STAT5B: variants seen among roughly 807,000 people sequenced by gnomAD.
The protein encoded by STAT5B is signal transducer and activator of transcription 5B, also known as transcription factor STAT5B.
A neutral mutation model predicts 107.8 loss-of-function variants in STAT5B; 21 were observed. The ratio of observed to expected loss-of-function variants is 0.19; its 90% confidence interval spans 0.14 to 0.28. The LOEUF (loss-of-function observed/expected upper bound fraction) is 0.28, where lower values mean the gene tolerates loss of function less well. Ranked by LOEUF, STAT5B falls within the 10% of genes least tolerant of loss-of-function variation. The pLI is 1.00. For missense variants in STAT5B, 565 were observed against 1,008.2 expected (o/e 0.56, Z 5.95); for synonymous variants, 325 against 401.7 (o/e 0.81, Z 2.28).
the STAT5B span, chr17:42,288,194 C>T: frequency 6.8e-4 from 104 of 152,388 alleles, no homozygotes; most frequent in African/African-American, 2.3e-3. This position sits in a 1 kb window ranked among gnomAD's most constrained non-coding sequence, Gnocchi z 4.8. Context: ...CAACGCCCGA[C>T]AACCACATTC....
At chr17:42,229,582 TAAAG>T (rs2144289352) in intron 2 of STAT5B, among the ~76,000 whole-genome samples, 1 of 151,522 alleles carries the variant, frequency 6.6e-6, no homozygotes, top group South Asian at 2.1e-4. Context: ...CATAAAGAAC[TAAAG>T]ATTTGGCTGG....
chr17:42,263,073 G>C (rs1383852066), intron 1 of STAT5B, among the ~76,000 whole-genome samples: 1 of 131,596 alleles, frequency 7.6e-6, no homozygotes, highest in African/African-American at 2.8e-5. Context: ...TCTGTCCATT[G>C]CCCGGGCTTG....
chr17:42,247,049 T>C (rs2080457998), intron 1 of STAT5B, among the ~76,000 whole-genome samples: 1 of 152,198 alleles, frequency 6.6e-6, no homozygotes, highest in Non-Finnish European at 1.5e-5. Flanking sequence ...AACGCAGGGT[T>C]TGTATTCCCC....
At chr17:42,228,653 C>T (rs144355219) in intron 2 of STAT5B, among the ~76,000 whole-genome samples, 2 of 152,300 alleles carry the variant, frequency 1.3e-5, no homozygotes, top group East Asian at 1.9e-4. Flanking sequence ...TGAGACCGGC[C>T]GGGCGTGGTG....
intron 1 of STAT5B, among the ~76,000 whole-genome samples, chr17:42,262,845 T>TATACAC (rs1488723182): frequency 1.9e-5 from 2 of 104,412 alleles, no homozygotes; most frequent in East Asian, 5.6e-4. Flanking sequence ...CACACATATA[T>TATACAC]ATGTATATAC....
At chr17:42,274,301 A>AC (rs2080746457) in intron 1 of STAT5B, among the ~76,000 whole-genome samples, 1 of 151,386 alleles carries the variant, frequency 6.6e-6, no homozygotes, top group African/African-American at 2.4e-5. Context: ...AAAAAAAAAA[A>AC]AAAAAACCTC....
At chr17:42,264,777 C>T (rs1332435965) in intron 1 of STAT5B, among the ~76,000 whole-genome samples, 5 of 139,152 alleles carry the variant, frequency 3.6e-5, no homozygotes, top group South Asian at 2.4e-4. Context: ...CCTGAGGAAT[C>T]GCCACACTGA....
At chr17:42,222,150 TGTGTGTGTG>T (rs2080234761) in intron 5 of STAT5B, among the ~76,000 whole-genome samples, 1 of 146,762 alleles carries the variant, frequency 6.8e-6, no homozygotes, top group Admixed American at 6.8e-5. Context: ...GTGTGTGTGC[TGTGTGTGTG>T]ATGTGTGTGG....
chr17:42,234,779 T>A (rs1029193235), intron 1 of STAT5B: 13 of 152,216 alleles, frequency 8.5e-5, no homozygotes, highest in African/African-American at 2.4e-4. Flanking sequence ...GGAGAATCGC[T>A]TGAATCTGGG....
the STAT5B span, among the ~76,000 whole-genome samples, chr17:42,287,035 G>A: frequency 6.6e-6 from 1 of 152,152 alleles, no homozygotes; most frequent in East Asian, 1.9e-4. Context: ...TCCTCCCTGG[G>A]GCCCCCTGCA....
At chr17:42,221,276 G>T (rs1317647667) in intron 5 of STAT5B, among the ~76,000 whole-genome samples, 1 of 152,142 alleles carries the variant, frequency 6.6e-6, no homozygotes, top group Non-Finnish European at 1.5e-5. Flanking sequence ...CACAGGGAGG[G>T]TGGTGGTGAT....
intron 1 of STAT5B, among the ~76,000 whole-genome samples, chr17:42,246,605 C>G (rs1386397207): frequency 6.6e-6 from 1 of 152,138 alleles, no homozygotes; most frequent in Admixed American, 6.5e-5. Flanking sequence ...CAGAAAGTCA[C>G]TCACAACGGT....
chr17:42,262,966 GTGTGTATATATATA>G (rs1418738018), intron 1 of STAT5B, among the ~76,000 whole-genome samples: 20 of 38,752 alleles, frequency 5.2e-4, no homozygotes, highest in African/African-American at 2.0e-3. Context: ...GTGTGTGTGT[GTGTGTATATATATA>G]TATATATATA....
chr17:42,240,094 C>T (rs1264653461), intron 1 of STAT5B, among the ~76,000 whole-genome samples: 4 of 152,220 alleles, frequency 2.6e-5, no homozygotes. Flanking sequence ...AGATCTGTGC[C>T]ACTGCACTCC....
intron 1 of STAT5B, among the ~76,000 whole-genome samples, chr17:42,238,930 TG>T (rs1185445813): frequency 6.6e-6 from 1 of 150,826 alleles, no homozygotes; most frequent in Non-Finnish European, 1.5e-5. Flanking sequence ...TTTTGCCCTA[TG>T]CATACTAAAC....
the STAT5B span, among the ~76,000 whole-genome samples, chr17:42,284,620 GCA>G: frequency 2.6e-5 from 4 of 152,210 alleles, no homozygotes; most frequent in African/African-American, 9.7e-5. Flanking sequence ...ATGTAAGTGT[GCA>G]CAGAGCACAC....
chr17:42,286,230 T>A, the STAT5B span, among the ~76,000 whole-genome samples: 1 of 84,974 alleles, frequency 1.2e-5, no homozygotes. Context: ...CGAAACTCCA[T>A]CTCAAAAAAA....
At chr17:42,255,504 T>G (rs1311148920) in intron 1 of STAT5B, among the ~76,000 whole-genome samples, 1 of 152,078 alleles carries the variant, frequency 6.6e-6, no homozygotes, top group Non-Finnish European at 1.5e-5. Flanking sequence ...AGAAAAACTG[T>G]GAAGTCTCCA....
At chr17:42,262,776 GTATA>G (rs1190339384) in intron 1 of STAT5B, among the ~76,000 whole-genome samples, 2 of 126,170 alleles carry the variant, frequency 1.6e-5, no homozygotes, top group East Asian at 2.4e-4. Flanking sequence ...ATACATATAT[GTATA>G]TATATACACA....
Sources: allele counts gnomAD v4.1 joint callset (sites outside exome capture counted in the v4.1 genomes callset), GRCh38; gene constraint gnomAD v4.1.1; non-coding constraint Gnocchi (gnomAD v3.1); transcripts MANE v1.5; gene names NCBI Gene and HGNC (gene_info 2026-07-23, HGNC 2026-07-21).